Variants in ALKBH5 observed in about 807,000 individuals in gnomAD.
ALKBH5 encodes RNA demethylase ALKBH5.
Under a neutral mutation model 32.1 loss-of-function variants are expected in ALKBH5, and 2 were observed. The ratio of observed to expected loss-of-function variants is 0.06; its 90% CI spans 0.03 to 0.20. The LOEUF (loss-of-function observed/expected upper bound fraction) is 0.20, where lower values mean the gene tolerates loss of function less well. ALKBH5 is among the 10% of genes least tolerant of loss of function. ALKBH5 has a pLI of 1.00. For synonymous variants in ALKBH5, 300 were observed against 231.7 expected (o/e 1.29, Z -2.68); for missense variants, 352 against 559.5 (o/e 0.63, Z 3.74).
intron 3 of ALKBH5, among the ~76,000 whole-genome samples, chr17:18,207,620 A>AC (rs2047276978): frequency 6.6e-6 from 1 of 151,916 alleles, no homozygotes; most frequent in Non-Finnish European, 1.5e-5. Context: ...CCGAGATGGC[A>AC]CCGCTGCACT....
rs1347788665 is a variant in ALKBH5, at chr17:18,184,444, G to A, written c.201G>A (p.Glu67=). ...KRKYQEDSDP[E]RSDYEEQQLQ... Reference sequence around the variant, plus strand: ...AGTATCAGGAGGACTCGGACCCCGAGCGCAGCGACTATGAGGAGCAGCAGC... The same window carrying A: ...AGTATCAGGAGGACTCGGACCCCGAACGCAGCGACTATGAGGAGCAGCAGC... The change falls in exon 1 of 4, where the codon GAG becomes GAA. Residue 67 remains glutamate, a synonymous_variant. Transcript: ENST00000399138. 1 of 1,607,278 alleles carries A rather than the reference G, an allele frequency of 6.2e-7. No individual in the cohort carries two copies. Among genetic ancestry groups the A allele is most frequent in the Non-Finnish European group, 8.5e-7 (1 of 1,177,272 alleles).
chr17:18,204,967 T>C (rs1205481833), intron 2 of ALKBH5, among the ~76,000 whole-genome samples: 1 of 151,732 alleles, frequency 6.6e-6, no homozygotes, highest in East Asian at 1.9e-4. Context: ...GGAGGATCCC[T>C]TAAGCCTAGG....
At chr17:18,188,246 A>G (rs2047151483) in intron 1 of ALKBH5, among the ~76,000 whole-genome samples, 1 of 152,220 alleles carries the variant, frequency 6.6e-6, no homozygotes, top group Admixed American at 6.5e-5. Flanking sequence ...TAATTAGAAT[A>G]ATTACTTCAA....
chr17:18,185,944 A>C (rs1039151996), intron 1 of ALKBH5, among the ~76,000 whole-genome samples: 2 of 152,252 alleles, frequency 1.3e-5, no homozygotes, highest in South Asian at 2.1e-4. Flanking sequence ...AGCTGTTCTC[A>C]GAGCAGCTTG....
At chr17:18,196,930 A>G (rs973701997) in intron 2 of ALKBH5, among the ~76,000 whole-genome samples, 28 of 152,262 alleles carry the variant, frequency 1.8e-4, no homozygotes, top group African/African-American at 6.7e-4. Context: ...ACTCCTAGGA[A>G]TTTATTTTAT....
chr17:18,201,609 T>C (rs1182518338), intron 2 of ALKBH5, among the ~76,000 whole-genome samples: 1 of 151,940 alleles, frequency 6.6e-6, no homozygotes, highest in Non-Finnish European at 1.5e-5. Flanking sequence ...ATACAAAAAA[T>C]TAGCCGGGCG....
At chr17:18,199,004 C>G (rs746916298) in intron 2 of ALKBH5, among the ~76,000 whole-genome samples, 1 of 152,158 alleles carries the variant, frequency 6.6e-6, no homozygotes, top group African/African-American at 2.4e-5. Context: ...AAGTCCTGCC[C>G]TTTCCCCCAG....
At chr17:18,189,701 TCA>T (rs1288023732) in intron 1 of ALKBH5, among the ~76,000 whole-genome samples, 1 of 152,246 alleles carries the variant, frequency 6.6e-6, no homozygotes, top group Non-Finnish European at 1.5e-5. Flanking sequence ...TTTTGAGGCC[TCA>T]GTTTTCCTCA....
intron 1 of ALKBH5, among the ~76,000 whole-genome samples, chr17:18,188,393 G>A (rs1437648177): frequency 6.6e-6 from 1 of 152,270 alleles, no homozygotes; most frequent in East Asian, 1.9e-4. Flanking sequence ...ATGCACTGGT[G>A]AGCTCAGCCT....
chr17:18,186,555 A>C (rs927332425), intron 1 of ALKBH5, among the ~76,000 whole-genome samples: 1 of 150,506 alleles, frequency 6.6e-6, no homozygotes, highest in African/African-American at 2.4e-5. Flanking sequence ...ATCACAAGGC[A>C]TTTTTTTTTG....
intron 1 of ALKBH5, 68 bp downstream of exon 1, chr17:18,185,081 G>A: frequency 1.9e-6 from 3 of 1,555,808 alleles, no homozygotes; most frequent in Non-Finnish European, 2.6e-6. Flanking sequence ...GGCCCAGAAA[G>A]CAGCAGCCCG....
chr17:18,201,794 A>AAGATAGATAGATAGATAGAT (rs57735712), intron 2 of ALKBH5, among the ~76,000 whole-genome samples: 2 of 134,416 alleles, frequency 1.5e-5, no homozygotes, highest in African/African-American at 2.7e-5. Context: ...TAGGATAGAT[A>AAGATAGATAGATAGATAGAT]AGATAGATAG....
In ALKBH5 at chr17:18,209,299, C is replaced by G. The variant is rs1488314292; in HGVS notation, c.*903C>G. On this transcript the variant is annotated 3_prime_UTR_variant, in exon 4 of 4. Transcript: ENST00000399138. ...TGGTGTGTGGTAGGGTTTTTGTTTT[C>G]TTTTTTGAGTTTTTTTTCCCCCTTT... The G allele has an allele frequency of 6.6e-6, 1 of 152,634 alleles. No individual in the cohort carries two copies. Among genetic ancestry groups the G allele is most frequent in the African/African-American group, 2.4e-5 (1 of 41,424 alleles). The allele number at this position is 152,634 out of a possible 1,614,324, so 9.5% of individuals were successfully genotyped here.
chr17:18,192,149 C>T (rs1316665512), intron 1 of ALKBH5, among the ~76,000 whole-genome samples: 1 of 152,170 alleles, frequency 6.6e-6, no homozygotes, highest in Non-Finnish European at 1.5e-5. Context: ...CAGGGGGAGC[C>T]CAGACCATGT....
At chr17:18,191,298 T>C (rs2047173177) in intron 1 of ALKBH5, among the ~76,000 whole-genome samples, 1 of 152,180 alleles carries the variant, frequency 6.6e-6, no homozygotes, top group Non-Finnish European at 1.5e-5. Context: ...GGCTGTGTCA[T>C]AGCTGCTAGG....
chr17:18,184,413 A>T lies in ALKBH5; in HGVS notation c.170A>T (p.Lys57Met), dbSNP rs1393355592. 6.3e-7 allele frequency: 1 copy of T among 1,578,320 alleles called. No homozygotes were observed. The highest frequency in any genetic ancestry group is 2.3e-5 in the East Asian group (1 of 42,710). The stretch of plus-strand genomic sequence containing the variant: ...GAACCTTACCCTGTGTCCGGGGCCA[A>T]GCGCAAGTATCAGGAGGACTCGGAC... Reference protein sequence around the residue: ...AAEPYPVSGAKRKYQEDSDPE... With the variant: ...AAEPYPVSGAMRKYQEDSDPE... Residue 57 changes from lysine to methionine, a missense_variant, in exon 1 of 4, where the codon AAG becomes ATG. Physicochemically the swap from Lys to Met is moderately conservative, Grantham distance 95. This residue lies in a region of ALKBH5 where 144 missense variants were observed against 125.8 expected (regional missense o/e 1.14). Coordinates refer to ENST00000399138, the MANE Select transcript of ALKBH5 (RefSeq NM_017758.4).
chr17:18,197,851 A>C (rs1048763915), intron 2 of ALKBH5, among the ~76,000 whole-genome samples: 1 of 152,172 alleles, frequency 6.6e-6, no homozygotes, highest in African/African-American at 2.4e-5. Context: ...AGAAGCACAG[A>C]GCTGTGGTGT....
chr17:18,206,924 A>C lies in ALKBH5; in HGVS notation c.961A>C (p.Lys321Gln), dbSNP rs1247088205. Residue 321 changes from lysine to glutamine, a missense_variant, in exon 3 of 4, where the codon AAA (lysine) becomes CAA (glutamine). Lys to Gln is a moderately conservative substitution (Grantham distance 53). Coordinates refer to ENST00000399138, the MANE Select transcript of ALKBH5 (RefSeq NM_017758.4). ...AGGAAACAACAGGGACCCTGCTCTGAAACCCAAGCGGTCCCACCGCAAGGC... is the reference window on the plus strand; with the variant it reads ...AGGAAACAACAGGGACCCTGCTCTGCAACCCAAGCGGTCCCACCGCAAGGC... ...LSGNNRDPAL[K>Q]PKRSHRKADP... The C allele has an allele frequency of 6.2e-7, 1 of 1,614,130 alleles. No individual in the cohort carries two copies. Among genetic ancestry groups the C allele is most frequent in the Non-Finnish European group, 8.5e-7 (1 of 1,180,054 alleles).
In ALKBH5 at chr17:18,183,927, G is replaced by C. The variant is rs750080631; in HGVS notation, c.-317G>C. Reference sequence around the variant, plus strand: ...TGCGGGCCGGGCCGGGCGTCCGAGGGTCTGGTCGGGAGTCGGGCCGCGTCT... The same window carrying C: ...TGCGGGCCGGGCCGGGCGTCCGAGGCTCTGGTCGGGAGTCGGGCCGCGTCT... On this transcript the variant is annotated 5_prime_UTR_variant, in exon 1 of 4. Coordinates refer to ENST00000399138, the MANE Select transcript of ALKBH5 (RefSeq NM_017758.4). The C allele has an allele frequency of 5.0e-5, 28 of 557,864 alleles. No individual in the cohort carries two copies. The East Asian group carries it at 9.3e-4, about 19-fold the overall frequency. 34.6% of individuals were successfully genotyped at this position (557,864 alleles called of 1,614,324 possible).
Sources: gnomAD v4.1 joint callset for allele counts (sites outside exome capture counted in the v4.1 genomes callset) on GRCh38, gnomAD v4.1.1 for gene constraint, gnomAD v4.1.1 regional missense constraint, MANE v1.5 for transcripts, NCBI Gene and HGNC (gene_info 2026-07-23, HGNC 2026-07-21) for gene names.